Variants in CCDC171 observed in about 807,000 individuals in gnomAD.
CCDC171 encodes the protein coiled-coil domain containing 171.
CCDC171 carries 177 observed loss-of-function variants against 168.2 expected under a neutral mutation model. The observed-to-expected ratio is 1.05, with a 90% confidence interval of 0.93 to 1.19. The LOEUF (loss-of-function observed/expected upper bound fraction) is 1.19, where lower values mean the gene tolerates loss of function less well. CCDC171 is among the 50% of genes most tolerant of loss of function. The pLI is 0.00. For missense variants in CCDC171, 1,991 were observed against 1,539.0 expected (o/e 1.29, Z -4.91); for synonymous variants, 687 against 540.8 (o/e 1.27, Z -3.75).
At chr9:15,584,296 A>G (rs1407937626) in intron 4 of CCDC171, among the ~76,000 whole-genome samples, 1 of 152,250 alleles carries the variant, frequency 6.6e-6, no homozygotes, top group Non-Finnish European at 1.5e-5. Flanking sequence ...CACCCATGCA[A>G]GGTTTACAAC....
intron 23 of CCDC171, among the ~76,000 whole-genome samples, chr9:15,870,390 C>G (rs761389426): frequency 2.0e-5 from 3 of 151,718 alleles, no homozygotes; most frequent in Non-Finnish European, 2.9e-5. Context: ...TTATAGAGGT[C>G]TGTTTTCATA....
At chr9:15,572,013 T>C (rs115064739) in intron 3 of CCDC171, among the ~76,000 whole-genome samples, 3,940 of 152,292 alleles carry the variant, frequency 0.026, 176 homozygotes, top group African/African-American at 0.09. Flanking sequence ...TGATTAAAAT[T>C]ATTTATGAAC....
chr9:15,914,424 C>T (rs1202857800), intron 24 of CCDC171, among the ~76,000 whole-genome samples: 1 of 152,156 alleles, frequency 6.6e-6, no homozygotes, highest in East Asian at 1.9e-4. Context: ...GTCAGAACTT[C>T]CTGGAGGCTT....
At chr9:15,559,860 T>C (rs2039131903) in intron 1 of CCDC171, among the ~76,000 whole-genome samples, 1 of 152,170 alleles carries the variant, frequency 6.6e-6, no homozygotes, top group African/African-American at 2.4e-5. Context: ...GTTTTTGCAG[T>C]GGCTGGTACC....
At chr9:15,638,061 T>G (rs1433540959) in intron 7 of CCDC171, among the ~76,000 whole-genome samples, 1 of 152,098 alleles carries the variant, frequency 6.6e-6, no homozygotes, top group Non-Finnish European at 1.5e-5. Context: ...TTCCACAATA[T>G]TTTTACTTTA....
chr9:16,008,079 T>C (rs1368108286), intron 3 of CCDC171, among the ~76,000 whole-genome samples: 1 of 152,222 alleles, frequency 6.6e-6, no homozygotes, highest in Non-Finnish European at 1.5e-5. Context: ...TTTTCAACTT[T>C]AATGACGTCA....
intron 24 of CCDC171, chr9:15,875,796 A>G (rs1217487248): frequency 6.6e-6 from 1 of 152,026 alleles, no homozygotes; most frequent in Non-Finnish European, 1.5e-5. Context: ...TGCTTCTTTC[A>G]TTAGATTGTC....
chr9:16,030,741 G>T (rs1833352985), intron 6 of CCDC171, among the ~76,000 whole-genome samples: 2 of 152,252 alleles, frequency 1.3e-5, no homozygotes, highest in Non-Finnish European at 2.9e-5. Context: ...CGCGCTGTAG[G>T]GCATGGTTTG....
At position 15,606,956 on chromosome 9, in the gene CCDC171, A is replaced by C. The variant is rs369310090; in HGVS notation, c.675+12784A>C. 3.3e-5 allele frequency among the ~76,000 whole-genome samples: 5 copies of C among 152,340 alleles called. No homozygotes were observed. The East Asian group carries it at 5.8e-4, about 18-fold the overall frequency. ...GCAGGTAGCTTTTGGTGTGATTGGA[A>C]AATATGTTCTGTAACAAAAATTTTA... On this transcript the variant is annotated intron_variant, in intron 6 of 25. Coordinates refer to ENST00000380701, the MANE Select transcript of CCDC171 (RefSeq NM_173550.4).
chr9:15,779,320 C>T lies in CCDC171; in HGVS notation c.3081+170C>T, dbSNP rs545902772. Among the ~76,000 whole-genome samples, 6 of 152,132 alleles carry T rather than the reference C, an allele frequency of 3.9e-5. No individual in the cohort carries two copies. In the South Asian group the frequency reaches 1.2e-3, roughly 32 times the overall value. On this transcript the variant is annotated intron_variant, in intron 20 of 25. Coordinates refer to ENST00000380701, the MANE Select transcript of CCDC171 (RefSeq NM_173550.4). The stretch of plus-strand genomic sequence containing the variant: ...TTCCTGTCTAAAATGCCTCTAATTG[C>T]TGATGTTGGTGGCAGGCGGGGGAGT...
At chr9:16,024,753 A>G (rs1381884777) in intron 6 of CCDC171, among the ~76,000 whole-genome samples, 1 of 152,250 alleles carries the variant, frequency 6.6e-6, no homozygotes, top group Non-Finnish European at 1.5e-5. Context: ...GCCATGCATC[A>G]TGGATACAAT....
intron 4 of CCDC171, among the ~76,000 whole-genome samples, chr9:15,582,404 A>G (rs1271814836): frequency 6.6e-6 from 1 of 152,218 alleles, no homozygotes; most frequent in African/African-American, 2.4e-5. Flanking sequence ...TAGAAATACC[A>G]TTTGACCCAG....
intron 24 of CCDC171, among the ~76,000 whole-genome samples, chr9:15,900,123 C>G (rs935531097): frequency 1.3e-5 from 2 of 152,158 alleles, no homozygotes; most frequent in African/African-American, 4.8e-5. Flanking sequence ...TTAGTCTTCT[C>G]CCCTCGATGG....
At chr9:15,738,392 T>C (rs1416176187) in intron 16 of CCDC171, among the ~76,000 whole-genome samples, 4 of 152,216 alleles carry the variant, frequency 2.6e-5, no homozygotes, top group South Asian at 4.1e-4. Flanking sequence ...ATTTTTGTTA[T>C]GCTATTGAAT....
At position 15,666,274 on chromosome 9, in the gene CCDC171, T is replaced by C; in HGVS notation, c.1027T>C (p.Tyr343His). The C allele has an allele frequency of 6.2e-7, 1 of 1,613,762 alleles. No homozygotes were observed. Among genetic ancestry groups the C allele is most frequent in the South Asian group, 1.1e-5 (1 of 91,062 alleles). Residue 343 changes from tyrosine (Y) to histidine (H), a missense_variant, in exon 9 of 26, where the codon TAT (tyrosine) becomes CAT (histidine). Coordinates refer to ENST00000380701, the MANE Select transcript of CCDC171 (RefSeq NM_173550.4). Reference protein sequence around the residue: ...KNEFKEVESAYEREKHNAQES... With the variant: ...KNEFKEVESAHEREKHNAQES... ...TGAATTCAAAGAAGTTGAAAGTGCA[T>C]ATGAGCGAGAAAAGCATAATGCACA...
chr9:15,620,532 A>T (rs1331634107), intron 6 of CCDC171, among the ~76,000 whole-genome samples: 2 of 152,226 alleles, frequency 1.3e-5, no homozygotes, highest in African/African-American at 4.8e-5. Context: ...TAAAACTTGA[A>T]TGGGTGAGGA....
rs955175540 is a variant in CCDC171, at chr9:16,007,922, T to C, written n.369-12667T>C. 4.6e-5 allele frequency among the ~76,000 whole-genome samples: 7 copies of C among 152,310 alleles called. No homozygotes were observed. The East Asian group carries it at 9.6e-4, about 21-fold the overall frequency. On this transcript the variant is annotated intron_variant and non_coding_transcript_variant, in intron 3 of 9. Transcript: ENST00000486641. ...ATTGACTTTCTTTGCCCATTTTCAATTGGGTTATTTGCCTTTGTGTTATTG... is the reference window on the plus strand; with the variant it reads ...ATTGACTTTCTTTGCCCATTTTCAACTGGGTTATTTGCCTTTGTGTTATTG...
chr9:16,059,505 C>CTTTTTTTTTTTTTTTTT (rs869212886), intron 1 of CCDC171, among the ~76,000 whole-genome samples: 5 of 101,432 alleles, frequency 4.9e-5, no homozygotes, highest in Non-Finnish European at 9.3e-5. Flanking sequence ...TTTTTTTTTT[C>CTTTTTTTTTTTTTTTTT]TTTTTTTTTT....
At chr9:15,747,459 A>AGG (rs2055378888) in intron 18 of CCDC171, among the ~76,000 whole-genome samples, 1 of 152,100 alleles carries the variant, frequency 6.6e-6, no homozygotes, top group African/African-American at 2.4e-5. Context: ...TGACTGGGAG[A>AGG]CACCTCCCAG....
Sources: allele counts gnomAD v4.1 joint callset (sites outside exome capture counted in the v4.1 genomes callset), GRCh38; gene constraint gnomAD v4.1.1; transcripts MANE v1.5; gene names NCBI Gene and HGNC (gene_info 2026-07-23, HGNC 2026-07-21).